GABRB3: variants seen among roughly 807,000 people sequenced by gnomAD.
GABRB3 encodes the protein gamma-aminobutyric acid type A receptor subunit beta3.
Under a neutral mutation model 52.1 loss-of-function variants are expected in GABRB3, and 14 were observed. The ratio of observed to expected loss-of-function variants is 0.27; its 90% CI spans 0.18 to 0.42. The LOEUF (loss-of-function observed/expected upper bound fraction) is 0.42. Ranked by LOEUF, GABRB3 falls within the 10% of genes least tolerant of loss-of-function variation. GABRB3 has a pLI of 1.00. For synonymous variants in GABRB3, 260 were observed against 232.3 expected, an observed-to-expected ratio of 1.12 and a Z score of -1.08; for missense variants, 307 against 609.1, an observed-to-expected ratio of 0.50 and a Z score of 5.22.
At chr15:26,755,993 T>C (rs766166270) in intron 3 of GABRB3, among the ~76,000 whole-genome samples, 51 of 152,252 alleles carry the variant, frequency 3.3e-4, no homozygotes, top group African/African-American at 1.2e-3. Context: ...ACATATTTAA[T>C]AGCACAAGAG....
chr15:26,687,701 A>G (rs1888451229), intron 3 of GABRB3, among the ~76,000 whole-genome samples: 1 of 152,214 alleles, frequency 6.6e-6, no homozygotes, highest in Non-Finnish European at 1.5e-5. Flanking sequence ...CAAGAGCAAA[A>G]TGGGGCAGGT....
chr15:26,725,296 GCA>G (rs1420348362), intron 3 of GABRB3, among the ~76,000 whole-genome samples: 5 of 152,176 alleles, frequency 3.3e-5, no homozygotes, highest in East Asian at 3.9e-4. Flanking sequence ...TCAGGCTGAT[GCA>G]CAGTCTTTAA....
chr15:26,600,267 C>T (rs1214188901), intron 4 of GABRB3, among the ~76,000 whole-genome samples: 1 of 151,598 alleles, frequency 6.6e-6, no homozygotes, highest in Non-Finnish European at 1.5e-5. Context: ...AGAGACTAAA[C>T]AGTCACATAA....
At chr15:26,743,587 A>T (rs964207899) in intron 3 of GABRB3, among the ~76,000 whole-genome samples, 1 of 152,238 alleles carries the variant, frequency 6.6e-6, no homozygotes, top group Non-Finnish European at 1.5e-5. Context: ...ATCAATGGAC[A>T]GTCTATGCCA....
At chr15:26,695,825 C>T (rs554972987) in intron 3 of GABRB3, among the ~76,000 whole-genome samples, 1 of 152,284 alleles carries the variant, frequency 6.6e-6, no homozygotes, top group African/African-American at 2.4e-5. Flanking sequence ...CTTCCCAAAT[C>T]CTAGAAGCCA....
At chr15:26,755,294 C>T (rs935276457) in intron 3 of GABRB3, among the ~76,000 whole-genome samples, 4 of 152,042 alleles carry the variant, frequency 2.6e-5, no homozygotes, top group Non-Finnish European at 4.4e-5. Context: ...TGTGAGCCAC[C>T]GCACCCGGCC....
chr15:26,686,789 T>C (rs1888420824), intron 3 of GABRB3, among the ~76,000 whole-genome samples: 1 of 152,252 alleles, frequency 6.6e-6, no homozygotes, highest in Non-Finnish European at 1.5e-5. Flanking sequence ...TGGGATGCCA[T>C]CCAGGAGTCG....
chr15:26,623,079 A>T (rs1892546723), intron 3 of GABRB3, among the ~76,000 whole-genome samples: 1 of 152,144 alleles, frequency 6.6e-6, no homozygotes, highest in African/African-American at 2.4e-5. Flanking sequence ...ACCACCAATT[A>T]AAGATTCTCG....
chr15:26,596,968 T>TAATA (rs1158719187), intron 4 of GABRB3, among the ~76,000 whole-genome samples: 1 of 152,148 alleles, frequency 6.6e-6, no homozygotes, highest in African/African-American at 2.4e-5. Flanking sequence ...GTGTAGTGTA[T>TAATA]AATACAGCAA....
chr15:26,648,357 T>C (rs1887078312), intron 3 of GABRB3, among the ~76,000 whole-genome samples: 1 of 152,240 alleles, frequency 6.6e-6, no homozygotes, highest in Admixed American at 6.5e-5. Context: ...ATTTTAAGAA[T>C]GTTCTGTTTG....
At chr15:26,646,358 T>C (rs1475503359) in intron 3 of GABRB3, among the ~76,000 whole-genome samples, 1 of 152,238 alleles carries the variant, frequency 6.6e-6, no homozygotes, top group Non-Finnish European at 1.5e-5. Context: ...CATCATACTT[T>C]TGAGGTACAT....
chr15:26,594,283 TC>T (rs939645593), intron 4 of GABRB3, among the ~76,000 whole-genome samples: 2 of 151,952 alleles, frequency 1.3e-5, no homozygotes, highest in Non-Finnish European at 2.9e-5. Flanking sequence ...TGATTTTTTT[TC>T]CCCTGAAACT....
At position 26,708,650 on chromosome 15, in the gene GABRB3, T is replaced by A. The variant is rs534696620; in HGVS notation, c.240+63752A>T. On this transcript the variant is annotated intron_variant, in intron 3 of 8. Transcript: ENST00000311550. ...GCAGGGAAGAGAAGGTTCAAGAGTG[T>A]TTCTGCAGAGGAATCAGCATGTGCA... 1.2e-4 allele frequency among the ~76,000 whole-genome samples: 19 copies of A among 152,292 alleles called. 1 individual carries two copies. Among genetic ancestry groups the A allele is most frequent in the African/African-American group, 3.4e-4 (14 of 41,574 alleles).
chr15:26,548,079 T>C lies in GABRB3; in HGVS notation c.1136A>G (p.Asn379Ser), dbSNP rs1439421386. 2.5e-6 allele frequency: 4 copies of C among 1,614,176 alleles called. No homozygotes were observed. The highest frequency in any genetic ancestry group is 1.7e-5 in the Admixed American group (1 of 60,026). Residue 379 changes from asparagine (N) to serine (S), a missense_variant, in exon 9 of 9, where the codon AAT (asparagine) becomes AGT (serine). By Grantham distance (46) the Asn-to-Ser change is conservative. Coordinates refer to ENST00000311550, the MANE Select transcript of GABRB3 (RefSeq NM_000814.6). ...LTSLEVHNEMNEVSGGIGDTR... is the reference protein window; with the variant it reads ...LTSLEVHNEMSEVSGGIGDTR... ...ATCGCCAATGCCGCCTGAGACCTCA[T>C]TCATTTCATTGTGAACTTCCAGCGA...
At chr15:26,587,289 C>T (rs1891029860) in intron 4 of GABRB3, among the ~76,000 whole-genome samples, 1 of 152,280 alleles carries the variant, frequency 6.6e-6, no homozygotes, top group Admixed American at 6.5e-5. Context: ...CTACTCACTA[C>T]TTTTCTTTAT....
chr15:26,734,879 G>A (rs1353865983), intron 3 of GABRB3, among the ~76,000 whole-genome samples: 1 of 152,106 alleles, frequency 6.6e-6, no homozygotes, highest in Non-Finnish European at 1.5e-5. Context: ...TTGTGCCACT[G>A]CACTCCAGCC....
chr15:26,688,203 T>C (rs1276065565), intron 3 of GABRB3, among the ~76,000 whole-genome samples: 1 of 152,224 alleles, frequency 6.6e-6, no homozygotes, highest in African/African-American at 2.4e-5. Context: ...TCCTGGTTAC[T>C]GGATGGACGA....
At chr15:26,592,570 A>C (rs919750395) in intron 4 of GABRB3, among the ~76,000 whole-genome samples, 9 of 152,348 alleles carry the variant, frequency 5.9e-5, no homozygotes, top group African/African-American at 2.2e-4. Flanking sequence ...GAAGGCACAG[A>C]CAGAGAGAAG....
intron 3 of GABRB3, among the ~76,000 whole-genome samples, chr15:26,751,994 A>C (rs1035177235): frequency 2.0e-5 from 3 of 152,172 alleles, no homozygotes; most frequent in Non-Finnish European, 2.9e-5. Flanking sequence ...CTCCCAAGAA[A>C]TAAATTGTTC....
Sources: gnomAD v4.1 joint callset for allele counts (sites outside exome capture counted in the v4.1 genomes callset) on GRCh38, gnomAD v4.1.1 for gene constraint, MANE v1.5 for transcripts, NCBI Gene and HGNC (gene_info 2026-07-23, HGNC 2026-07-21) for gene names.